Variants in ZNF839 observed in about 807,000 individuals in gnomAD.
ZNF839 encodes the protein zinc finger protein 839.
Under a neutral mutation model 56.4 loss-of-function variants are expected in ZNF839, and 38 were observed. The observed-to-expected ratio is 0.67, with a 90% confidence interval of 0.52 to 0.88. ZNF839 has a LOEUF of 0.88. Among genes scored for constraint, ZNF839 ranks in the 40% least tolerant of loss-of-function variants. The pLI is 0.00. For missense variants in ZNF839, 1,091 were observed against 1,177.6 expected (o/e 0.93, Z 1.08); for synonymous variants, 486 against 493.5 (o/e 0.98, Z 0.20).
chr14:102,328,371 A>ATTAT (rs1419974609), intron 2 of ZNF839, among the ~76,000 whole-genome samples: 1 of 30,692 alleles, frequency 3.3e-5, no homozygotes, highest in Non-Finnish European at 6.3e-5. Flanking sequence ...AAAAAAAAAA[A>ATTAT]AAAAATATAT....
intron 4 of ZNF839, 176 bp from the exon 5 acceptor site, chr14:102,335,513 G>C: frequency 1.6e-6 from 1 of 622,300 alleles, no homozygotes; most frequent in Non-Finnish European, 2.7e-6. Context: ...GCCCATCCTG[G>C]CTTCTCTGCA....
chr14:102,321,403 C>A (rs565990515), intron 1 of ZNF839, among the ~76,000 whole-genome samples: 2 of 152,168 alleles, frequency 1.3e-5, no homozygotes, highest in Non-Finnish European at 2.9e-5. Flanking sequence ...TGAATATGGC[C>A]ACAGCTTTTT....
In ZNF839 at chr14:102,319,889, C is replaced by T; in HGVS notation, c.124C>T (p.Arg42Trp). The T allele has an allele frequency of 1.6e-6, 2 of 1,220,410 alleles. No homozygotes were observed. Among genetic ancestry groups the T allele is most frequent in the Admixed American group, 3.4e-5 (1 of 29,680 alleles). The allele number at this position is 1,220,410 out of a possible 1,614,324, so 75.6% of individuals were successfully genotyped here. Residue 42 changes from arginine (R) to tryptophan (W), a missense_variant, in exon 1 of 8, where the codon CGG (arginine) becomes TGG (tryptophan). Arg to Trp is a moderately radical substitution (Grantham distance 101, BLOSUM62 -3). Transcript: ENST00000442396. This position sits in a 1 kb window ranked among gnomAD's most constrained non-coding sequence, Gnocchi z 4.5. ...RVAPLGPEQL[R>W]QVLEQVTKAQ... ...GGCCCCGCTGGGCCCCGAGCAGCTG[C>T]GGCAGGTCCTGGAGCAGGTGACGAA...
In ZNF839 at chr14:102,339,113, C is replaced by T; in HGVS notation, c.1817C>T (p.Ala606Val). The change falls in exon 7 of 8, where the codon GCC becomes GTC. Residue 606 changes from alanine to valine, a missense_variant. Ala to Val is a moderately conservative substitution (Grantham distance 64). Coordinates refer to ENST00000442396, the MANE Select transcript of ZNF839 (RefSeq NM_018335.6). ...TCACAGGCTGCGGAGGAGGGACTGG[C>T]CTCAGTGAAAAGGCCCAGAAGAGAA... Reference protein sequence around the residue: ...REREAAEEGLASVKRPRREAL... With the variant: ...REREAAEEGLVSVKRPRREAL... The T allele has an allele frequency of 1.2e-6, 2 of 1,613,754 alleles. No homozygotes were observed. Among genetic ancestry groups the T allele is most frequent in the Non-Finnish European group, 1.7e-6 (2 of 1,179,794 alleles).
chr14:102,334,666 C>T lies in ZNF839; in HGVS notation c.1509+20C>T, dbSNP rs1172421777. 1 of 1,461,242 alleles carries T rather than the reference C, an allele frequency of 6.8e-7. No homozygotes were observed. Among genetic ancestry groups the T allele is most frequent in the African/African-American group, 1.4e-5 (1 of 72,096 alleles). The allele number at this position is 1,461,242 out of a possible 1,614,324, so 90.5% of individuals were successfully genotyped here. A position where few individuals can be genotyped will look rare whatever the true frequency, so the allele number is the denominator to read the frequency against. ...ATGAAGGTGAGTACTCTTAGTGTTT[C>T]TAAATGATAGCGGGATGATTAGAAG... On this transcript the variant is annotated intron_variant, in intron 4 of 7. Coordinates refer to ENST00000442396, the MANE Select transcript of ZNF839 (RefSeq NM_018335.6).
intron 7 of ZNF839, among the ~76,000 whole-genome samples, chr14:102,339,805 A>AAG: frequency 8.8e-6 from 1 of 113,444 alleles, no homozygotes; most frequent in Admixed American, 8.7e-5. Context: ...GGAGGGTCCC[A>AAG]AGAGGTTAGG....
intron 2 of ZNF839, 156 bp from the exon 3 acceptor site, chr14:102,331,466 T>C: frequency 3.2e-6 from 2 of 630,970 alleles, no homozygotes; most frequent in Admixed American, 5.9e-5. Flanking sequence ...GCCAGGTCGG[T>C]CTCAAACTCC....
chr14:102,328,689 A>G (rs1263516027), intron 2 of ZNF839, among the ~76,000 whole-genome samples: 3 of 151,986 alleles, frequency 2.0e-5, no homozygotes, highest in Non-Finnish European at 1.5e-5. Context: ...TCTGTCTTCT[A>G]TGATCTTGAC....
At chr14:102,338,445 G>A (rs1329253904) in intron 5 of ZNF839, among the ~76,000 whole-genome samples, 2 of 150,766 alleles carry the variant, frequency 1.3e-5, no homozygotes, top group African/African-American at 4.9e-5. Flanking sequence ...GGCTGAAGCA[G>A]GAGAATCACT....
rs200627167 is a variant in ZNF839 at position 102,326,192 on chromosome 14, C to G, written c.496C>G (p.Leu166Val). ...GAGAACCGAGCCACAGTCCTGCTTC[C>G]TAAGTGACTTATGCCAACCTCCTGC... is the stretch of plus-strand genomic sequence containing the variant. The part of the protein sequence containing the change: ...LVRTEPQSCF[L>V]SDLCQPPAQG... Residue 166 changes from leucine to valine, a missense_variant, in exon 2 of 8, where the codon CTA (leucine) becomes GTA (valine). By Grantham distance (32) the Leu-to-Val change is conservative. This residue lies in a region of ZNF839 where 614 missense variants were observed against 629.2 expected (regional missense o/e 0.98). Transcript: ENST00000442396. This position sits in a 1 kb window ranked among gnomAD's most constrained non-coding sequence, Gnocchi z 4.3. The G allele has an allele frequency of 2.1e-4, 344 of 1,613,800 alleles. 1 individual carries two copies. In the African/African-American group the frequency reaches 4.0e-3, roughly 19 times the overall value.
chr14:102,329,319 ATTATTTTCT>A (rs2073649351), intron 2 of ZNF839, among the ~76,000 whole-genome samples: 1 of 151,988 alleles, frequency 6.6e-6, no homozygotes, highest in Non-Finnish European at 1.5e-5. Context: ...TTTAAGTGGA[ATTATTTTCT>A]TTATTTTCTT....
At chr14:102,328,369 AAAAAAAATATATATATAT>A (rs1221827707) in intron 2 of ZNF839, among the ~76,000 whole-genome samples, 22 of 35,120 alleles carry the variant, frequency 6.3e-4, no homozygotes, top group African/African-American at 1.6e-3. Flanking sequence ...AAAAAAAAAA[AAAAAAAATATATATATAT>A]ATATATATAT....
intron 2 of ZNF839, among the ~76,000 whole-genome samples, chr14:102,331,182 G>A (rs1252830515): frequency 6.6e-6 from 1 of 152,202 alleles, no homozygotes; most frequent in African/African-American, 2.4e-5. Context: ...AAAAGTCATG[G>A]ATACGTAATG....
chr14:102,325,959 C>G (rs942176871), intron 1 of ZNF839, 26 bp from the exon 2 acceptor site: 2 of 1,602,554 alleles, frequency 1.2e-6, no homozygotes, highest in Non-Finnish European at 1.7e-6. Context: ...TGCTTCTTTT[C>G]TCTTTCTTGT....
rs147106635 is a variant in ZNF839 at position 102,331,879 on chromosome 14, C to T, written c.1416+33C>T. 1,562 of 1,510,192 alleles carry T rather than the reference C, an allele frequency of 1.0e-3. 12 individuals are homozygous for T. In the African/African-American group the frequency reaches 0.019, roughly 18 times the overall value. The allele number at this position is 1,510,192 out of a possible 1,614,324, so 93.5% of individuals were successfully genotyped here. On this transcript the variant is annotated intron_variant, in intron 3 of 7. Transcript: ENST00000442396. ...ACTCTTAAACCCTGTGCTTGAAACC[C>T]GTGTCTTTAGCATGGATGTGGCAAT...
Position 102,341,428 on chromosome 14 carries a change from T to C in ZNF839, c.2033T>C (p.Leu678Pro), listed in dbSNP as rs781429155. ...AGCGTGTTCCAGGCGGGCCCGCAGC[T>C]TCAGGCACTGGCTAACTTAGAAGCC... ...NGSVFQAGPQ[L>P]QALANLEARR... Residue 678 changes from leucine (L) to proline (P), a missense_variant, in exon 8 of 8, where the codon CTT becomes CCT. By Grantham distance (98) the Leu-to-Pro change is moderately conservative (BLOSUM62 -3). Transcript: ENST00000442396. The C allele has an allele frequency of 5.0e-6, 8 of 1,592,716 alleles. No individual in the cohort carries two copies. In the South Asian group the frequency reaches 9.0e-5, roughly 18 times the overall value.
At position 102,341,068 on chromosome 14, in the gene ZNF839, CAAAAAAA is replaced by C. The variant is rs60659700; in HGVS notation, c.1928-240_1928-234del. ...TGGGTGACAGAGCGAGACTCCATCT[CAAAAAAA>C]AAAAAAAAAAAAAAGCACACTGTCG... On this transcript the variant is annotated intron_variant, in intron 7 of 7. Transcript: ENST00000442396. 6.0e-4 allele frequency: 50 copies of C among 82,966 alleles called. No homozygotes were observed. In the South Asian group the frequency reaches 0.015, roughly 25 times the overall value. 5.1% of individuals were successfully genotyped at this position (82,966 alleles called of 1,614,324 possible). A position where few individuals can be genotyped will look rare whatever the true frequency, so the allele number is the denominator to read the frequency against.
At chr14:102,330,079 G>A (rs1206544970) in intron 2 of ZNF839, among the ~76,000 whole-genome samples, 2 of 152,086 alleles carry the variant, frequency 1.3e-5, no homozygotes, top group African/African-American at 4.8e-5. Flanking sequence ...ACAGGCGTGA[G>A]CCATTGCGCC....
At position 102,338,947 on chromosome 14, in the gene ZNF839, A is replaced by G. The variant is rs1886166856; in HGVS notation, c.1791A>G (p.Glu597=). ...AGGGAGCTAGCAGCGAGAAGAGGGA[A>G]CGTGAGGTGGGCATGGCTGAAGTGG... ...QLEGASSEKR[E]REAAEEGLAS... Residue 597 remains glutamate, a synonymous_variant, in exon 6 of 8, where the codon GAA becomes GAG. Coordinates refer to ENST00000442396, the MANE Select transcript of ZNF839 (RefSeq NM_018335.6). The G allele has an allele frequency of 6.2e-7, 1 of 1,613,864 alleles. No homozygotes were observed. The highest frequency in any genetic ancestry group is 2.2e-5 in the East Asian group (1 of 44,876).
Sources: gnomAD v4.1 joint callset for allele counts (sites outside exome capture counted in the v4.1 genomes callset) on GRCh38, gnomAD v4.1.1 for gene constraint, gnomAD v4.1.1 regional missense constraint, Gnocchi (gnomAD v3.1) non-coding constraint, MANE v1.5 for transcripts, NCBI Gene and HGNC (gene_info 2026-07-23, HGNC 2026-07-21) for gene names.